KLHL26: variants seen among roughly 807,000 people sequenced by gnomAD.
The protein encoded by KLHL26 is kelch-like protein 26.
In KLHL26, 4 loss-of-function variants were observed where a neutral mutation model predicts 7.1. That is an observed-to-expected ratio of 0.56 (90% CI 0.28 to 1.28). The LOEUF is 1.28. Ranked by LOEUF, KLHL26 falls within the 50% of genes most tolerant of loss-of-function variation. The probability of loss-of-function intolerance (pLI) is 0.11; values close to 1 mark genes in which losing one functional copy is unlikely to be tolerated. For missense variants in KLHL26, 896 were observed against 924.6 expected (o/e 0.97, Z 0.40); for synonymous variants, 465 against 414.1 (o/e 1.12, Z -1.49).
chr19:18,642,337 T>TTGTGTGTGTG (rs1568453946), intron 1 of KLHL26, among the ~76,000 whole-genome samples: 3 of 67,632 alleles, frequency 4.4e-5, no homozygotes, highest in African/African-American at 2.4e-4. Context: ...GCTAGTCACC[T>TTGTGTGTGTG]AGTGTGTGTG....
chr19:18,666,555 C>CG (rs1490113770), intron 2 of KLHL26, among the ~76,000 whole-genome samples: 2 of 152,310 alleles, frequency 1.3e-5, no homozygotes, highest in African/African-American at 4.8e-5. Context: ...CCCTCCCTCA[C>CG]GGGGGCCTGT....
Position 18,669,079 on chromosome 19 carries a change from TCTA to T in KLHL26, c.1684_1686del (p.Tyr562del). 3 of 1,612,838 alleles carry T rather than the reference TCTA, an allele frequency of 1.9e-6. No individual in the cohort carries two copies. The highest frequency in any genetic ancestry group is 2.5e-6 in the Non-Finnish European group (3 of 1,179,938). On this transcript the variant is annotated inframe_deletion, in exon 3 of 3. Coordinates refer to ENST00000300976, the MANE Select transcript of KLHL26 (RefSeq NM_018316.3). ...GGCTGCTGCCTGCTGGAGAGGAAGA[TCTA>T]CATCGTCGGGGGCTACAACTGGCGT...
chr19:18,666,594 G>T (rs890274866), intron 2 of KLHL26, among the ~76,000 whole-genome samples: 1 of 152,112 alleles, frequency 6.6e-6, no homozygotes, highest in East Asian at 1.9e-4. Context: ...GTTCTGCCTC[G>T]CAGAGCACAG....
In KLHL26 at chr19:18,648,234, G is replaced by C. The variant is rs1976839880; in HGVS notation, c.83+11097G>C. On this transcript the variant is annotated intron_variant, in intron 1 of 2. Coordinates refer to ENST00000300976, the MANE Select transcript of KLHL26 (RefSeq NM_018316.3). The surrounding 1 kb of genome is among the most constrained non-coding windows in gnomAD (Gnocchi z 4.9). ...AAATACACAAAACTAGCTGGGCGCA[G>C]TGGCGGGTGCTTGTAGTCCCAGCTG... is the stretch of plus-strand genomic sequence containing the variant. 6.6e-6 allele frequency among the ~76,000 whole-genome samples: 1 copy of C among 152,230 alleles called. No individual in the cohort carries two copies. The highest frequency in any genetic ancestry group is 1.5e-5 in the Non-Finnish European group (1 of 68,036).
rs183997331 is a variant in KLHL26 at position 18,662,897 on chromosome 19, G to T, written c.84-1364G>T. 1.7e-3 allele frequency among the ~76,000 whole-genome samples: 258 copies of T among 152,190 alleles called. 1 individual carries two copies. The highest frequency in any genetic ancestry group is 6.0e-3 in the African/African-American group (249 of 41,536). On this transcript the variant is annotated intron_variant, in intron 1 of 2. Coordinates refer to ENST00000300976, the MANE Select transcript of KLHL26 (RefSeq NM_018316.3). ...GGGAGGTAAGCGTCCCTTCCACTTG[G>T]CAGGGGAAAGGCCACGGGGACAAGC...
At chr19:18,658,010 C>G (rs1256831895) in intron 1 of KLHL26, among the ~76,000 whole-genome samples, 1 of 150,698 alleles carries the variant, frequency 6.6e-6, no homozygotes, top group Admixed American at 6.7e-5. Flanking sequence ...ACTGGGGGAG[C>G]TGCCTTTGTG....
In KLHL26 at chr19:18,668,319, G is replaced by A; in HGVS notation, c.922G>A (p.Val308Met). 5 of 1,610,778 alleles carry A rather than the reference G, an allele frequency of 3.1e-6. No homozygotes were observed. The highest frequency in any genetic ancestry group is 4.2e-6 in the Non-Finnish European group (5 of 1,179,720). The change falls in exon 3 of 3, where the codon GTG (valine) becomes ATG (methionine). Residue 308 changes from valine to methionine, a missense_variant. Transcript: ENST00000300976. ...QSPRTAVRSD[V>M]PSLVTFGGTP... ...TCCGCGCACCGCCGTGCGCTCGGAT[G>A]TGCCCTCGCTCGTCACCTTCGGCGG...
intron 1 of KLHL26, among the ~76,000 whole-genome samples, chr19:18,639,685 C>T (rs569479103): frequency 1.3e-5 from 2 of 152,182 alleles, no homozygotes; most frequent in South Asian, 4.1e-4. Context: ...GCTGGGATTA[C>T]AGGTGTGAAC....
chr19:18,637,555 G>A (rs1224076822), intron 1 of KLHL26, among the ~76,000 whole-genome samples: 2 of 152,210 alleles, frequency 1.3e-5, no homozygotes, highest in South Asian at 4.2e-4. Flanking sequence ...AAGGCCCAAG[G>A]CATCCTGGGA....
At chr19:18,657,898 C>T (rs1379431034) in intron 1 of KLHL26, among the ~76,000 whole-genome samples, 9 of 152,138 alleles carry the variant, frequency 5.9e-5, no homozygotes, top group Admixed American at 2.6e-4. Flanking sequence ...GGGGCCGGAG[C>T]GTTTGAGGGC....
intron 1 of KLHL26, among the ~76,000 whole-genome samples, chr19:18,637,963 A>G (rs1976649001): frequency 6.6e-6 from 1 of 152,186 alleles, no homozygotes; most frequent in Non-Finnish European, 1.5e-5. Context: ...GGTTTGCATG[A>G]CAATTAGTTA....
intron 1 of KLHL26, among the ~76,000 whole-genome samples, chr19:18,652,251 A>G (rs1568457718): frequency 6.6e-6 from 1 of 152,134 alleles, no homozygotes; most frequent in Non-Finnish European, 1.5e-5. Context: ...GACTCGGGCC[A>G]GGAGGTCTTG....
At position 18,648,752 on chromosome 19, in the gene KLHL26, C is replaced by G. The variant is rs1261110992; in HGVS notation, c.83+11615C>G. Among the ~76,000 whole-genome samples the G allele has an allele frequency of 6.6e-6, 1 of 152,164 alleles. No individual in the cohort carries two copies. The highest frequency in any genetic ancestry group is 2.4e-5 in the African/African-American group (1 of 41,418). ...CCTCCTCCTGAGAGAAGGCCTCAGT[C>G]TGGCTGCAGCTGCCCAGGAGGTCCT... On this transcript the variant is annotated intron_variant, in intron 1 of 2. Transcript: ENST00000300976. The surrounding 1 kb of genome is among the most constrained non-coding windows in gnomAD (Gnocchi z 4.9).
intron 1 of KLHL26, 129 bp from the exon 2 acceptor site, chr19:18,664,132 A>C: frequency 3.4e-6 from 2 of 583,872 alleles, no homozygotes; most frequent in African/African-American, 2.1e-5. Context: ...TGTTCTGGGC[A>C]TTTCACGTCA....
chr19:18,655,149 C>T (rs746069995), intron 1 of KLHL26, among the ~76,000 whole-genome samples: 7 of 152,208 alleles, frequency 4.6e-5, no homozygotes, highest in Non-Finnish European at 8.8e-5. Context: ...CTGGCAGGCA[C>T]CGCCCCTTCA....
chr19:18,667,465 A>G, intron 2 of KLHL26, 199 bp from the exon 3 acceptor site: 1 of 860,522 alleles, frequency 1.2e-6, no homozygotes, highest in Non-Finnish European at 1.7e-6. Context: ...GGGCTTCCCA[A>G]AGTGCTGGGA....
chr19:18,660,162 G>A (rs1019625654), intron 1 of KLHL26, among the ~76,000 whole-genome samples: 7 of 152,220 alleles, frequency 4.6e-5, no homozygotes, highest in African/African-American at 1.7e-4. Context: ...TGGGACATCT[G>A]AGAGGAGCAG....
chr19:18,668,268 C>A lies in KLHL26; in HGVS notation c.871C>A (p.Pro291Thr). Residue 291 changes from proline to threonine, a missense_variant, in exon 3 of 3, where the codon CCC (proline) becomes ACC (threonine). Transcript: ENST00000300976. ...LLEAFNYQVL[P>T]FRQHEMQSPR... is the part of the protein sequence containing the mutation. ...GGAGGCCTTCAACTACCAGGTGCTG[C>A]CCTTCCGGCAGCACGAGATGCAGTC... is the stretch of plus-strand genomic sequence containing the variant. 3 of 1,612,084 alleles carry A rather than the reference C, an allele frequency of 1.9e-6. No individual in the cohort carries two copies. The highest frequency in any genetic ancestry group is 2.5e-6 in the Non-Finnish European group (3 of 1,179,860).
intron 1 of KLHL26, among the ~76,000 whole-genome samples, chr19:18,639,168 C>G (rs1449099211): frequency 6.7e-6 from 1 of 148,356 alleles, no homozygotes; most frequent in East Asian, 2.0e-4. Flanking sequence ...CTCTGCCTTC[C>G]AGGTTCAAGG....
Sources: allele counts gnomAD v4.1 joint callset (sites outside exome capture counted in the v4.1 genomes callset), GRCh38; gene constraint gnomAD v4.1.1; non-coding constraint Gnocchi (gnomAD v3.1); transcripts MANE v1.5; gene names NCBI Gene and HGNC (gene_info 2026-07-23, HGNC 2026-07-21).